SULT1C2: variants seen among roughly 807,000 people sequenced by gnomAD.
SULT1C2 encodes the protein sulfotransferase family 1C member 2.
A neutral mutation model predicts 36.0 loss-of-function variants in SULT1C2; 27 were observed. That is an observed-to-expected ratio of 0.75 (90% CI 0.55 to 1.03). SULT1C2 has a LOEUF of 1.03. SULT1C2 is among the 50% of genes least tolerant of loss of function. The pLI is 0.00. For synonymous variants in SULT1C2, 121 were observed against 116.0 expected, an observed-to-expected ratio of 1.04 and a Z score of -0.27; for missense variants, 395 against 359.2, an observed-to-expected ratio of 1.10 and a Z score of -0.80.
rs757899878 is a variant in SULT1C2 at position 108,308,485 on chromosome 2, A to C, written c.*21A>C. ...TCTGAGCAAGATGTAAATAAAATTA[A>C]AAGGTGGATGGCAAGAGTGCAAATA... is the stretch of plus-strand genomic sequence containing the variant. On this transcript the variant is annotated 3_prime_UTR_variant, in exon 8 of 8. Coordinates refer to ENST00000251481, the MANE Select transcript of SULT1C2 (RefSeq NM_001056.4). 1.9e-6 allele frequency: 3 copies of C among 1,583,742 alleles called. No homozygotes were observed. Among genetic ancestry groups the C allele is most frequent in the Non-Finnish European group, 2.6e-6 (3 of 1,166,558 alleles).
intron 3 of SULT1C2, among the ~76,000 whole-genome samples, chr2:108,297,874 A>T (rs964876105): frequency 1.3e-5 from 2 of 152,176 alleles, no homozygotes; most frequent in African/African-American, 4.8e-5. Context: ...CTGGATCAGG[A>T]GTAGGAGTGG....
rs140406051 is a variant in SULT1C2, at chr2:108,308,437, C to T, written c.864C>T (p.Thr288=). ...DEIYRRKMEG[T]SINFCMEL ...TCTATAGAAGAAAGATGGAAGGAAC[C>T]TCCATAAACTTCTGCATGGAACTCT... Residue 288 remains threonine, a synonymous_variant, in exon 8 of 8, where the codon ACC becomes ACT. Coordinates refer to ENST00000251481, the MANE Select transcript of SULT1C2 (RefSeq NM_001056.4). 3 of 1,611,720 alleles carry T rather than the reference C, an allele frequency of 1.9e-6. No individual in the cohort carries two copies. In the African/African-American group the frequency reaches 4.0e-5, roughly 22 times the overall value.
In SULT1C2 at chr2:108,308,359, G is replaced by A. The variant is rs1187019678; in HGVS notation, c.786G>A (p.Val262=). The part of the protein sequence containing the change: ...SISSFMRKGT[V]GDWKNHFTVA... ...TGGCCTTCCTTTTTCTAGGAACTGT[G>A]GGGGATTGGAAAAACCACTTCACTG... Residue 262 remains valine, a synonymous_variant, in exon 8 of 8, where the codon GTG becomes GTA. Coordinates refer to ENST00000251481, the MANE Select transcript of SULT1C2 (RefSeq NM_001056.4). 1 of 1,607,376 alleles carries A rather than the reference G, an allele frequency of 6.2e-7. No individual in the cohort carries two copies. Among genetic ancestry groups the A allele is most frequent in the Admixed American group, 1.7e-5 (1 of 57,946 alleles).
chr2:108,300,931 G>A lies in SULT1C2; in HGVS notation c.371G>A (p.Cys124Tyr). 1.9e-6 allele frequency: 3 copies of A among 1,614,070 alleles called. No individual in the cohort carries two copies. The highest frequency in any genetic ancestry group is 2.5e-6 in the Non-Finnish European group (3 of 1,179,976). Residue 124 changes from cysteine to tyrosine, a missense_variant, in exon 4 of 8, where the codon TGC becomes TAC. Coordinates refer to ENST00000251481, the MANE Select transcript of SULT1C2 (RefSeq NM_001056.4). ...CCACCGTCTTTCTGGGAAAACAACTGCAAGGTAAGATACCAACAGCTCCCT... is the reference window on the plus strand; with the variant it reads ...CCACCGTCTTTCTGGGAAAACAACTACAAGGTAAGATACCAACAGCTCCCT... ...LLPPSFWENN[C>Y]KFLYVARNAK...
Position 108,309,677 on chromosome 2 carries a change from GAC to G in SULT1C2, c.*1214_*1215del, listed in dbSNP as rs1677108034. 1.3e-5 allele frequency: 2 copies of G among 151,350 alleles called. No individual in the cohort carries two copies. The highest frequency in any genetic ancestry group is 4.9e-5 in the African/African-American group (2 of 41,132). 9.4% of individuals were successfully genotyped at this position (151,350 alleles called of 1,614,324 possible). A position where few individuals can be genotyped will look rare whatever the true frequency, so the allele number is the denominator to read the frequency against. ...TATGTTGCCCAGGCTGGTCTTAACT[GAC>G]TGCTTTTTATTATTACCATGCACTG... On this transcript the variant is annotated 3_prime_UTR_variant, in exon 8 of 8. Coordinates refer to ENST00000251481, the MANE Select transcript of SULT1C2 (RefSeq NM_001056.4).
chr2:108,296,428 G>A (rs1014600792), intron 3 of SULT1C2, among the ~76,000 whole-genome samples: 3 of 150,160 alleles, frequency 2.0e-5, no homozygotes, highest in African/African-American at 5.0e-5. Flanking sequence ...ATGCTGGCTG[G>A]AGACTCAGCT....
At chr2:108,304,439 G>A in intron 4 of SULT1C2, 135 bp from the exon 5 acceptor site, 1 of 927,316 alleles carries the variant, frequency 1.1e-6, no homozygotes, top group Non-Finnish European at 1.6e-6. Flanking sequence ...GAGGTCACAA[G>A]GCCAAGTCGC....
rs772899994 is a variant in SULT1C2 at position 108,293,713 on chromosome 2, G to A, written c.46G>A (p.Val16Met). The stretch of plus-strand genomic sequence containing the variant: ...GGGGAAACAGATAAAACTGAAAGAG[G>A]TGGAGGGGACCCTCCTGCAGCCTGC... ...DLGKQIKLKE[V>M]EGTLLQPATV... The change falls in exon 2 of 8, where the codon GTG (valine) becomes ATG (methionine). Residue 16 changes from valine (V) to methionine (M), a missense_variant. Transcript: ENST00000251481. 1.9e-6 allele frequency: 3 copies of A among 1,614,062 alleles called. No individual in the cohort carries two copies. Among genetic ancestry groups the A allele is most frequent in the East Asian group, 2.2e-5 (1 of 44,878 alleles).
At position 108,294,372 on chromosome 2, in the gene SULT1C2, T is replaced by C; in HGVS notation, c.277+18T>C. The C allele has an allele frequency of 6.2e-7, 1 of 1,609,430 alleles. No homozygotes were observed. The highest frequency in any genetic ancestry group is 8.5e-7 in the Non-Finnish European group (1 of 1,177,772). ...ACCTTCTGGTGAGAGCACCTCCCTCTTTCTCTCTTCCTGCTTTCTTTCCCT... is the reference window on the plus strand; with the variant it reads ...ACCTTCTGGTGAGAGCACCTCCCTCCTTCTCTCTTCCTGCTTTCTTTCCCT... On this transcript the variant is annotated intron_variant, in intron 3 of 7. Coordinates refer to ENST00000251481, the MANE Select transcript of SULT1C2 (RefSeq NM_001056.4).
chr2:108,293,376 A>G (rs1676643698), intron 1 of SULT1C2, among the ~76,000 whole-genome samples: 1 of 152,054 alleles, frequency 6.6e-6, no homozygotes, highest in Admixed American at 6.6e-5. Flanking sequence ...CACCTAAATA[A>G]GGTACATAGA....
In SULT1C2 at chr2:108,308,905, G is replaced by C. The variant is rs188968565; in HGVS notation, c.*441G>C. 374 of 153,762 alleles carry C rather than the reference G, an allele frequency of 2.4e-3. No individual in the cohort carries two copies. Among genetic ancestry groups the C allele is most frequent in the Non-Finnish European group, 3.6e-3 (248 of 69,064 alleles). 9.5% of individuals were successfully genotyped at this position (153,762 alleles called of 1,614,324 possible). ...AGCCTGGGCTCAATCCTGGAGTTCT[G>C]TCTGGTCACTATCAGAAGGAACACT... is the stretch of plus-strand genomic sequence containing the variant. On this transcript the variant is annotated 3_prime_UTR_variant, in exon 8 of 8. Coordinates refer to ENST00000251481, the MANE Select transcript of SULT1C2 (RefSeq NM_001056.4).
Position 108,306,770 on chromosome 2 carries a change from G to A in SULT1C2, c.778+1175G>A, listed in dbSNP as rs564710707. ...AAAATAAAAAAATTAGCTGGGCGTG[G>A]TGGTGCACGCCTGTAGTCCCAGCTA... On this transcript the variant is annotated intron_variant, in intron 7 of 7. Transcript: ENST00000251481. Among the ~76,000 whole-genome samples, 8 of 152,120 alleles carry A rather than the reference G, an allele frequency of 5.3e-5. No homozygotes were observed. The East Asian group carries it at 1.4e-3, about 26-fold the overall frequency.
chr2:108,302,886 A>C (rs1676918513), intron 4 of SULT1C2: 1 of 152,244 alleles, frequency 6.6e-6, no homozygotes, highest in Non-Finnish European at 1.5e-5. Context: ...TAGTGAACTC[A>C]GACAGGAAGG....
At chr2:108,302,811 AT>A (rs1200849040) in intron 4 of SULT1C2, 1 of 152,238 alleles carries the variant, frequency 6.6e-6, no homozygotes, top group African/African-American at 2.4e-5. Flanking sequence ...TAACAAAAAA[AT>A]ATAAAATCAT....
At position 108,304,659 on chromosome 2, in the gene SULT1C2, G is replaced by T. The variant is rs745895637; in HGVS notation, c.461G>T (p.Gly154Val). ...QRMNHMLPDP[G>V]TWEEYFETFI... ...ATGAACCACATGCTTCCTGACCCTGGTACCTGGGAAGAGTATTTTGAAACC... is the reference window on the plus strand; with the variant it reads ...ATGAACCACATGCTTCCTGACCCTGTTACCTGGGAAGAGTATTTTGAAACC... The change falls in exon 5 of 8, where the codon GGT becomes GTT. Residue 154 changes from glycine (G) to valine (V), a missense_variant. Physicochemically the swap from Gly to Val is moderately radical, Grantham distance 109 (BLOSUM62 -3). Coordinates refer to ENST00000251481, the MANE Select transcript of SULT1C2 (RefSeq NM_001056.4). The T allele has an allele frequency of 1.9e-6, 3 of 1,613,674 alleles. No homozygotes were observed. The Admixed American group carries it at 5.0e-5, about 27-fold the overall frequency.
At position 108,293,743 on chromosome 2, in the gene SULT1C2, G is replaced by A. The variant is rs200569643; in HGVS notation, c.76G>A (p.Val26Met). ...GGGGACCCTCCTGCAGCCTGCAACT[G>A]TGGACAACTGGAGCCAGATCCAGAG... is the stretch of plus-strand genomic sequence containing the variant. ...VEGTLLQPAT[V>M]DNWSQIQSFE... is the part of the protein sequence containing the mutation. Residue 26 changes from valine (V) to methionine (M), a missense_variant, in exon 2 of 8, where the codon GTG (valine) becomes ATG (methionine). By Grantham distance (21) the Val-to-Met change is conservative. Coordinates refer to ENST00000251481, the MANE Select transcript of SULT1C2 (RefSeq NM_001056.4). The A allele has an allele frequency of 1.2e-6, 2 of 1,614,114 alleles. No individual in the cohort carries two copies. Among genetic ancestry groups the A allele is most frequent in the South Asian group, 1.1e-5 (1 of 91,066 alleles).
chr2:108,298,826 T>C lies in SULT1C2; in HGVS notation c.278-2012T>C, dbSNP rs546932569. 17 of 202,696 alleles carry C rather than the reference T, an allele frequency of 8.4e-5. No individual in the cohort carries two copies. The South Asian group carries it at 8.8e-4, about 10-fold the overall frequency. The allele number at this position is 202,696 out of a possible 1,614,324, so 12.6% of individuals were successfully genotyped here. A position where few individuals can be genotyped will look rare whatever the true frequency, so the allele number is the denominator to read the frequency against. ...CCCTCACTTGTTTTGTAATTTTGTA[T>C]AAAAAGCTCTTTTCTCCCTGTCTTG... On this transcript the variant is annotated intron_variant, in intron 3 of 7. Transcript: ENST00000251481.
intron 3 of SULT1C2, among the ~76,000 whole-genome samples, chr2:108,297,945 T>C (rs1214649367): frequency 6.6e-6 from 1 of 152,186 alleles, no homozygotes; most frequent in Non-Finnish European, 1.5e-5. Context: ...CCATAATGAC[T>C]GAGTACAGAT....
At chr2:108,301,128 G>GC in intron 4 of SULT1C2, 193 bp downstream of exon 4, 1 of 668,502 alleles carries the variant, frequency 1.5e-6, no homozygotes, top group South Asian at 2.2e-5. Context: ...GGACATGAAG[G>GC]CAGGATCCAG....
Sources: allele counts gnomAD v4.1 joint callset (sites outside exome capture counted in the v4.1 genomes callset), GRCh38; gene constraint gnomAD v4.1.1; transcripts MANE v1.5; gene names NCBI Gene and HGNC (gene_info 2026-07-23, HGNC 2026-07-21).